SMARCA5: variants seen among roughly 807,000 people sequenced by gnomAD.
SMARCA5 encodes the protein SWI/SNF-related matrix-associated actin-dependent regulator of chromatin subfamily A member 5.
A neutral mutation model predicts 140.4 loss-of-function variants in SMARCA5; 18 were observed. The observed-to-expected ratio is 0.13, with a 90% CI of 0.09 to 0.19. The LOEUF is 0.19. Among genes scored for constraint, SMARCA5 ranks in the 10% least tolerant of loss-of-function variants. The pLI is 1.00. For synonymous variants in SMARCA5, 449 were observed against 419.6 expected, an observed-to-expected ratio of 1.07 and a Z score of -0.86; for missense variants, 606 against 1,276.8, an observed-to-expected ratio of 0.47 and a Z score of 8.01.
chr4:143,526,197 G>C, intron 5 of SMARCA5, 84 bp from the exon 6 acceptor site: 1 of 1,100,070 alleles, frequency 9.1e-7, no homozygotes, highest in Non-Finnish European at 1.3e-6. Flanking sequence ...CATTTCTTTT[G>C]AACATTTCTA....
chr4:143,535,043 G>T, intron 10 of SMARCA5, 79 bp downstream of exon 10: 2 of 997,524 alleles, frequency 2.0e-6, no homozygotes. Flanking sequence ...CCTAATTTGT[G>T]TCTTCATGGA....
chr4:143,530,277 T>C (rs538362526), intron 8 of SMARCA5, among the ~76,000 whole-genome samples, 181 bp from the exon 9 acceptor site: 64 of 152,340 alleles, frequency 4.2e-4, no homozygotes, highest in African/African-American at 1.5e-3. Context: ...GTGTGATTTC[T>C]GAACTACTTG....
chr4:143,539,532 A>C lies in SMARCA5; in HGVS notation c.1770+594A>C, dbSNP rs11933494. Among the ~76,000 whole-genome samples the C allele has an allele frequency of 7.3e-3, 730 of 99,408 alleles. 5 individuals carry two copies. The highest frequency in any genetic ancestry group is 0.027 in the African/African-American group (694 of 25,530). The allele number at this position is 99,408 out of a possible 152,430, so 65.2% of individuals were successfully genotyped here. ...CCAACTTTAATCTCTGTCATTAGTCACTTTCTTTTTTTTTTTTTTTTGAGA... is the reference window on the plus strand; with the variant it reads ...CCAACTTTAATCTCTGTCATTAGTCCCTTTCTTTTTTTTTTTTTTTTGAGA... On this transcript the variant is annotated intron_variant, in intron 13 of 23. Transcript: ENST00000283131.
chr4:143,514,173 C>G, intron 1 of SMARCA5, 72 bp downstream of exon 1: 1 of 1,369,322 alleles, frequency 7.3e-7, no homozygotes, highest in South Asian at 1.5e-5. Context: ...CGGATCGTGG[C>G]GATCGGACGC....
rs149730714 is a variant in SMARCA5, at chr4:143,520,657, G to A, written c.253-772G>A. Among the ~76,000 whole-genome samples the A allele has an allele frequency of 9.8e-4, 150 of 152,316 alleles. 2 individuals are homozygous for A. Among genetic ancestry groups the A allele is most frequent in the Admixed American group, 8.4e-3 (129 of 15,302 alleles). ...CATTTATAGACAGAGATGTTGAGTA[G>A]TTGGTTTCCCTGTTTATTGAGCTTT... is the stretch of plus-strand genomic sequence containing the variant. On this transcript the variant is annotated intron_variant, in intron 2 of 23. Transcript: ENST00000283131.
At chr4:143,546,940 G>A (rs1479843643) in intron 20 of SMARCA5, 32 bp downstream of exon 20, 13 of 1,605,646 alleles carry the variant, frequency 8.1e-6, no homozygotes, top group Non-Finnish European at 9.4e-6. Context: ...TTGGAGTTTA[G>A]TAAGAGCTGT....
At chr4:143,545,210 G>A (rs1235621073) in intron 17 of SMARCA5, among the ~76,000 whole-genome samples, 1 of 151,818 alleles carries the variant, frequency 6.6e-6, no homozygotes, top group Non-Finnish European at 1.5e-5. Context: ...CAAAGTATTG[G>A]GATTACAGGC....
At chr4:143,540,539 A>T (rs1243741164) in intron 14 of SMARCA5, 44 bp downstream of exon 14, 2 of 1,564,340 alleles carry the variant, frequency 1.3e-6, no homozygotes, top group South Asian at 1.2e-5. Context: ...GGATTGACAC[A>T]ACCTGTTTTT....
rs1376923682 is a variant in SMARCA5 at position 143,528,620 on chromosome 4, G to A, written c.995G>A (p.Arg332Lys). ...EIVREFKTTN[R>K]LLLTGTPLQN... ...GTGAGGGAATTCAAGACTACAAATA[G>A]ACTATTATTAACTGGAACACCTCTT... The change falls in exon 8 of 24, where the codon AGA becomes AAA. Residue 332 changes from arginine to lysine, a missense_variant. Physicochemically the swap from Arg to Lys is conservative, Grantham distance 26. Transcript: ENST00000283131. 1 of 1,612,716 alleles carries A rather than the reference G, an allele frequency of 6.2e-7. No homozygotes were observed. The highest frequency in any genetic ancestry group is 1.1e-5 in the South Asian group (1 of 90,892).
In SMARCA5 at chr4:143,550,320, T is replaced by C. The variant is rs538746579; in HGVS notation, c.3093+216T>C. Among the ~76,000 whole-genome samples the C allele has an allele frequency of 4.6e-5, 7 of 151,618 alleles. No homozygotes were observed. In the East Asian group the frequency reaches 1.4e-3, roughly 29 times the overall value. On this transcript the variant is annotated intron_variant, in intron 23 of 23. Coordinates refer to ENST00000283131, the MANE Select transcript of SMARCA5 (RefSeq NM_003601.4). ...TTTAGGTAGTGGTATAATTTTTAAT[T>C]TTTAGTTGTTATGAGTAAGTATGTA...
At chr4:143,527,087 TAG>T (rs1737090002) in intron 6 of SMARCA5, among the ~76,000 whole-genome samples, 2 of 152,306 alleles carry the variant, frequency 1.3e-5, no homozygotes, top group Non-Finnish European at 2.9e-5. Flanking sequence ...GTCACAGAAT[TAG>T]AGTTTTTAAA....
chr4:143,545,711 G>A (rs1737511433), intron 18 of SMARCA5, 128 bp downstream of exon 18: 7 of 775,052 alleles, frequency 9.0e-6, no homozygotes, highest in East Asian at 5.0e-5. Context: ...TAGTCTAGTT[G>A]TATGTATGAA....
At chr4:143,549,949 G>T in intron 22 of SMARCA5, 48 bp from the exon 23 acceptor site, 1 of 1,044,180 alleles carries the variant, frequency 9.6e-7, no homozygotes, top group Non-Finnish European at 1.5e-6. Context: ...TTGAAATCAT[G>T]AAACTTGTGG....
chr4:143,519,552 CTT>C (rs534294955), intron 2 of SMARCA5, among the ~76,000 whole-genome samples: 3 of 151,992 alleles, frequency 2.0e-5, no homozygotes, highest in South Asian at 2.1e-4. Flanking sequence ...TATTGGAACT[CTT>C]TTCGTTTCTT....
intron 13 of SMARCA5, 82 bp from the exon 14 acceptor site, chr4:143,540,281 A>AT: frequency 1.7e-5 from 18 of 1,079,808 alleles, no homozygotes; most frequent in Non-Finnish European, 2.1e-5. Flanking sequence ...GAATATTTTA[A>AT]TTTTTTTTCT....
At chr4:143,524,515 T>C in intron 4 of SMARCA5, 48 bp downstream of exon 4, 2 of 1,220,914 alleles carry the variant, frequency 1.6e-6, no homozygotes, top group South Asian at 2.5e-5. Context: ...CTTTGAGATC[T>C]CCTTTGGTTA....
chr4:143,526,550 AGACGGGATCTTCGC>A, intron 6 of SMARCA5, 90 bp downstream of exon 6: 1 of 812,892 alleles, frequency 1.2e-6, no homozygotes, highest in Non-Finnish European at 2.0e-6. Flanking sequence ...AGGATAAATG[AGACGGGATCTTCGC>A]AAATATTAGT....
chr4:143,525,873 C>T (rs1364542412), intron 5 of SMARCA5, among the ~76,000 whole-genome samples: 1 of 151,912 alleles, frequency 6.6e-6, no homozygotes, highest in Non-Finnish European at 1.5e-5. Flanking sequence ...ATGTTTTTTC[C>T]AGGTGGTAGC....
chr4:143,549,279 A>G (rs1737594589), intron 22 of SMARCA5, among the ~76,000 whole-genome samples: 1 of 152,060 alleles, frequency 6.6e-6, no homozygotes, highest in South Asian at 2.1e-4. Context: ...ATACAGTAGT[A>G]TTTTAAAATT....
Sources: allele counts gnomAD v4.1 joint callset (sites outside exome capture counted in the v4.1 genomes callset), GRCh38; gene constraint gnomAD v4.1.1; transcripts MANE v1.5; gene names NCBI Gene and HGNC (gene_info 2026-07-23, HGNC 2026-07-21).